TBCEL: variants seen among roughly 807,000 people sequenced by gnomAD.
TBCEL encodes tubulin-specific chaperone cofactor E-like protein.
A neutral mutation model predicts 44.2 loss-of-function variants in TBCEL; 15 were observed. The observed-to-expected ratio is 0.34, with a 90% CI of 0.23 to 0.52. The LOEUF is 0.52. Among genes scored for constraint, TBCEL ranks in the 20% least tolerant of loss-of-function variants. The probability of loss-of-function intolerance (pLI) is 0.95; values close to 1 mark genes in which losing one functional copy is unlikely to be tolerated. For synonymous variants in TBCEL, 171 were observed against 185.4 expected, an observed-to-expected ratio of 0.92 and a Z score of 0.63; for missense variants, 319 against 506.3, an observed-to-expected ratio of 0.63 and a Z score of 3.55.
Position 121,074,720 on chromosome 11 carries a change from C to G in TBCEL, c.957-12058C>G, listed in dbSNP as rs181318916. Among the ~76,000 whole-genome samples, 491 of 152,058 alleles carry G rather than the reference C, an allele frequency of 3.2e-3. 2 individuals carry two copies. The highest frequency in any genetic ancestry group is 0.011 in the African/African-American group (455 of 41,528). ...TTCCATCATCCAAAAAAATCTCATA[C>G]TCCTCAACCCTTCTTCCTGACTCCT... is the stretch of plus-strand genomic sequence containing the variant. On this transcript the variant is annotated intron_variant, in intron 8 of 8. Coordinates refer to ENST00000683345, the MANE Select transcript of TBCEL (RefSeq NM_001363644.2).
intron 8 of TBCEL, among the ~76,000 whole-genome samples, chr11:121,085,000 C>CAT: frequency 6.6e-6 from 1 of 150,502 alleles, no homozygotes. Context: ...AGATTTCAAT[C>CAT]ATATATATAA....
At chr11:121,075,080 T>C (rs1291004808) in intron 8 of TBCEL, among the ~76,000 whole-genome samples, 1 of 151,854 alleles carries the variant, frequency 6.6e-6, no homozygotes, top group Non-Finnish European at 1.5e-5. Context: ...CACAAGGGCG[T>C]GTGTATGTTT....
chr11:121,051,047 A>G (rs1292695640), intron 4 of TBCEL, among the ~76,000 whole-genome samples: 3 of 151,736 alleles, frequency 2.0e-5, no homozygotes. Context: ...TATCAATTTG[A>G]GGTTACTCAA....
chr11:121,064,601 C>A (rs1412494779), intron 8 of TBCEL, among the ~76,000 whole-genome samples: 1 of 152,168 alleles, frequency 6.6e-6, no homozygotes, highest in Non-Finnish European at 1.5e-5. Flanking sequence ...TCTCTTCCAT[C>A]CTTCATTAAA....
Position 121,086,647 on chromosome 11 carries a change from G to A in TBCEL, c.957-131G>A, listed in dbSNP as rs993114529. ...CTCATATTAGATCACAGAGTCCATA[G>A]GAGTCATGTGATAGAATAAGATTTT... On this transcript the variant is annotated intron_variant, in intron 8 of 8. Coordinates refer to ENST00000683345, the MANE Select transcript of TBCEL (RefSeq NM_001363644.2). 7.1e-6 allele frequency: 5 copies of A among 699,630 alleles called. No homozygotes were observed. In the South Asian group the frequency reaches 7.9e-5, roughly 11 times the overall value. The allele number at this position is 699,630 out of a possible 1,614,324, so 43.3% of individuals were successfully genotyped here.
intron 2 of TBCEL, among the ~76,000 whole-genome samples, chr11:121,044,222 C>CA (rs1945387458): frequency 1.3e-5 from 2 of 152,152 alleles, no homozygotes; most frequent in South Asian, 4.1e-4. Context: ...ACTCTTCTCC[C>CA]AGCCTTCAGT....
At chr11:121,084,882 G>A (rs1474379338) in intron 8 of TBCEL, among the ~76,000 whole-genome samples, 1 of 151,930 alleles carries the variant, frequency 6.6e-6, no homozygotes, top group African/African-American at 2.4e-5. Flanking sequence ...TTTCAGTTTA[G>A]AGCCTTGGAA....
intron 1 of TBCEL, among the ~76,000 whole-genome samples, chr11:121,026,579 A>G (rs1005014980): frequency 1.3e-5 from 2 of 152,228 alleles, no homozygotes; most frequent in Admixed American, 1.3e-4. Context: ...AAACTTCATC[A>G]GTGGGGCCAC....
At chr11:121,068,040 C>T (rs1327505022) in intron 8 of TBCEL, among the ~76,000 whole-genome samples, 1 of 152,184 alleles carries the variant, frequency 6.6e-6, no homozygotes, top group East Asian at 1.9e-4. Flanking sequence ...CTCTTCTGTA[C>T]TCATCCCCCA....
chr11:121,086,510 G>A (rs1946219867), intron 8 of TBCEL, among the ~76,000 whole-genome samples: 1 of 152,028 alleles, frequency 6.6e-6, no homozygotes, highest in South Asian at 2.1e-4. Flanking sequence ...TACTTTTCTA[G>A]GTTCCATTTT....
intron 8 of TBCEL, among the ~76,000 whole-genome samples, chr11:121,086,065 C>T (rs1187809472): frequency 6.6e-6 from 1 of 152,094 alleles, no homozygotes; most frequent in Non-Finnish European, 1.5e-5. Context: ...TCCTCCAGGG[C>T]TGGCAGTGCA....
chr11:121,060,245 A>G (rs1274922355), intron 8 of TBCEL, among the ~76,000 whole-genome samples, 160 bp downstream of exon 8: 1 of 151,968 alleles, frequency 6.6e-6, no homozygotes, highest in Admixed American at 6.6e-5. Context: ...AACCTATTTT[A>G]TCTCATTTTC....
At chr11:121,063,312 T>G in intron 8 of TBCEL, among the ~76,000 whole-genome samples, 1 of 152,198 alleles carries the variant, frequency 6.6e-6, no homozygotes, top group East Asian at 1.9e-4. Flanking sequence ...CTACTAGGAC[T>G]CTTCAATATC....
intron 8 of TBCEL, among the ~76,000 whole-genome samples, chr11:121,070,325 C>G (rs1334309453): frequency 2.0e-5 from 3 of 152,116 alleles, no homozygotes; most frequent in African/African-American, 7.2e-5. Context: ...ACTAGAAATA[C>G]CATTTGACCC....
intron 1 of TBCEL, among the ~76,000 whole-genome samples, chr11:121,028,783 G>T (rs11218123): frequency 0.18 from 27,173 of 152,108 alleles, 2,530 homozygotes; most frequent in East Asian, 0.33. Flanking sequence ...AAGAACTAAG[G>T]CTTAAAATAT....
intron 8 of TBCEL, among the ~76,000 whole-genome samples, chr11:121,083,026 A>G (rs921253289): frequency 6.6e-6 from 1 of 152,214 alleles, no homozygotes; most frequent in Non-Finnish European, 1.5e-5. Flanking sequence ...GCCTCTCTCC[A>G]GGGCTGTGAC....
Position 121,053,800 on chromosome 11 carries a change from TGATCTCCCACGCAAGA to T in TBCEL, c.455+69_455+84del, listed in dbSNP as rs1479148248. The stretch of plus-strand genomic sequence containing the variant: ...CTGTGTTAGTACATAGGAGTACTGC[TGATCTCCCACGCAAGA>T]AATACTAGAACTGCAGATTGAGTGG... On this transcript the variant is annotated intron_variant, in intron 5 of 8. Coordinates refer to ENST00000683345, the MANE Select transcript of TBCEL (RefSeq NM_001363644.2). 1.5e-5 allele frequency: 22 copies of T among 1,481,424 alleles called. No homozygotes were observed. In the African/African-American group the frequency reaches 3.0e-4, roughly 20 times the overall value. 91.8% of individuals were successfully genotyped at this position (1,481,424 alleles called of 1,614,324 possible).
At chr11:121,057,337 T>A (rs973237948) in intron 6 of TBCEL, among the ~76,000 whole-genome samples, 10 of 151,968 alleles carry the variant, frequency 6.6e-5, no homozygotes, top group African/African-American at 2.4e-4. Flanking sequence ...ATAGAAAAAT[T>A]TTTCCTGTGT....
chr11:121,072,013 G>A (rs530789141), intron 8 of TBCEL, among the ~76,000 whole-genome samples: 4 of 152,234 alleles, frequency 2.6e-5, no homozygotes, highest in African/African-American at 7.2e-5. Context: ...ACATTCAGCC[G>A]TGAGTCTGAG....
Sources: allele counts gnomAD v4.1 joint callset (sites outside exome capture counted in the v4.1 genomes callset), GRCh38; gene constraint gnomAD v4.1.1; transcripts MANE v1.5; gene names NCBI Gene and HGNC (gene_info 2026-07-23, HGNC 2026-07-21).